ITGB8: variants seen among roughly 807,000 people sequenced by gnomAD.
ITGB8 encodes the protein integrin subunit beta 8, also known as integrin beta-8.
ITGB8 carries 30 observed loss-of-function variants against 89.5 expected under a neutral mutation model. The observed-to-expected ratio is 0.34, with a 90% CI of 0.25 to 0.45. The LOEUF (loss-of-function observed/expected upper bound fraction) is 0.45. Ranked by LOEUF, ITGB8 falls within the 20% of genes least tolerant of loss-of-function variation. The pLI is 1.00. For synonymous variants in ITGB8, 335 were observed against 320.4 expected (o/e 1.05, Z -0.49); for missense variants, 836 against 933.3 (o/e 0.90, Z 1.36).
chr7:20,347,790 A>G (rs1784978816), intron 1 of ITGB8, among the ~76,000 whole-genome samples: 1 of 152,150 alleles, frequency 6.6e-6, no homozygotes, highest in Non-Finnish European at 1.5e-5. Context: ...TGTTCAAGGA[A>G]GTGAGGCTTG....
intron 12 of ITGB8, among the ~76,000 whole-genome samples, 167 bp from the exon 13 acceptor site, chr7:20,409,448 G>C (rs368189127): frequency 6.6e-6 from 1 of 152,188 alleles, no homozygotes; most frequent in African/African-American, 2.4e-5. Context: ...AGAAAAATTA[G>C]AGAGCTTTTT....
chr7:20,386,055 A>T (rs1435560626), intron 6 of ITGB8, among the ~76,000 whole-genome samples: 3 of 152,182 alleles, frequency 2.0e-5, no homozygotes, highest in Non-Finnish European at 4.4e-5. Context: ...TCTCAGATGC[A>T]TACTAATAAA....
At chr7:20,342,702 G>A (rs1261018938) in intron 1 of ITGB8, among the ~76,000 whole-genome samples, 1 of 151,686 alleles carries the variant, frequency 6.6e-6, no homozygotes, top group Admixed American at 6.6e-5. Flanking sequence ...GGAATTATTG[G>A]TGTGCAAAAG....
At position 20,371,411 on chromosome 7, in the gene ITGB8, T is replaced by TA. The variant is rs574747956; in HGVS notation, c.388+4229dup. 1.2e-4 allele frequency among the ~76,000 whole-genome samples: 19 copies of TA among 152,268 alleles called. No individual in the cohort carries two copies. The East Asian group carries it at 2.7e-3, about 22-fold the overall frequency. On this transcript the variant is annotated intron_variant, in intron 3 of 13. Transcript: ENST00000222573. ...AATTTTACTCTGGCAGGTTGTTTTT[T>TA]AAAATATTCAAAAATCAGTGAATTT...
rs1395958493 is a variant in ITGB8 at position 20,381,769 on chromosome 7, G to T, written c.844G>T (p.Val282Leu). 3 of 1,613,630 alleles carry T rather than the reference G, an allele frequency of 1.9e-6. No individual in the cohort carries two copies. The South Asian group carries it at 3.3e-5, about 18-fold the overall frequency. ...WRKEAKRLLL[V>L]MTDQTSHLAL... is the part of the protein sequence containing the mutation. ...AAAAGAGGCTAAAAGATTGCTGCTG[G>T]TGATGACAGATCAGACGTCTCATCT... Residue 282 changes from valine to leucine, a missense_variant, in exon 6 of 14, where the codon GTG (valine) becomes TTG (leucine). Coordinates refer to ENST00000222573, the MANE Select transcript of ITGB8 (RefSeq NM_002214.3).
chr7:20,390,733 T>C (rs762741661), intron 6 of ITGB8, among the ~76,000 whole-genome samples: 3 of 152,066 alleles, frequency 2.0e-5, no homozygotes, highest in Admixed American at 2.0e-4. Context: ...ATAGTTCACA[T>C]ACTATTATTA....
At chr7:20,395,979 T>C (rs1448360041) in intron 8 of ITGB8, among the ~76,000 whole-genome samples, 1 of 152,186 alleles carries the variant, frequency 6.6e-6, no homozygotes, top group Non-Finnish European at 1.5e-5. Context: ...TAGAGTCTCT[T>C]TCCCAAATTC....
Position 20,412,660 on chromosome 7 carries a change from G to A in ITGB8, c.*2663G>A, listed in dbSNP as rs1787804780. 6.6e-6 allele frequency: 1 copy of A among 152,578 alleles called. No homozygotes were observed. Among genetic ancestry groups the A allele is most frequent in the South Asian group, 2.1e-4 (1 of 4,826 alleles). 9.5% of individuals were successfully genotyped at this position (152,578 alleles called of 1,614,324 possible). On this transcript the variant is annotated 3_prime_UTR_variant, in exon 14 of 14. Coordinates refer to ENST00000222573, the MANE Select transcript of ITGB8 (RefSeq NM_002214.3). ...AGTGTTAGACGATGATTGTGGTTATGCTTGCAAAGTCTTGTGCTTATCTTT... is the reference window on the plus strand; with the variant it reads ...AGTGTTAGACGATGATTGTGGTTATACTTGCAAAGTCTTGTGCTTATCTTT...
At chr7:20,347,044 G>A (rs1356560608) in intron 1 of ITGB8, among the ~76,000 whole-genome samples, 3 of 152,168 alleles carry the variant, frequency 2.0e-5, no homozygotes, top group Non-Finnish European at 4.4e-5. Context: ...AGGCCTGTGG[G>A]AACTCGTCTG....
chr7:20,357,488 ATG>A (rs1785337897), intron 1 of ITGB8, among the ~76,000 whole-genome samples: 1 of 152,184 alleles, frequency 6.6e-6, no homozygotes, highest in Admixed American at 6.5e-5. Flanking sequence ...ACACGTATAT[ATG>A]TGTCTATATA....
chr7:20,414,417 G>A lies in ITGB8; in HGVS notation c.*4420G>A, dbSNP rs1473502749. The A allele has an allele frequency of 3.3e-5, 5 of 152,338 alleles. No homozygotes were observed. The highest frequency in any genetic ancestry group is 6.6e-5 in the Admixed American group (1 of 15,250). 9.4% of individuals were successfully genotyped at this position (152,338 alleles called of 1,614,324 possible). On this transcript the variant is annotated 3_prime_UTR_variant, in exon 14 of 14. Transcript: ENST00000222573. The stretch of plus-strand genomic sequence containing the variant: ...AACAAGAATGGGTAGGTATGTCTAC[G>A]TTTCATTAACAAATTTTTATTATTT...
chr7:20,412,298 T>C lies in ITGB8; in HGVS notation c.*2301T>C, dbSNP rs1293697389. 3.3e-5 allele frequency: 5 copies of C among 152,610 alleles called. No homozygotes were observed. Among genetic ancestry groups the C allele is most frequent in the Non-Finnish European group, 7.3e-5 (5 of 68,036 alleles). 9.5% of individuals were successfully genotyped at this position (152,610 alleles called of 1,614,324 possible). A position where few individuals can be genotyped will look rare whatever the true frequency, so the allele number is the denominator to read the frequency against. On this transcript the variant is annotated 3_prime_UTR_variant, in exon 14 of 14. Coordinates refer to ENST00000222573, the MANE Select transcript of ITGB8 (RefSeq NM_002214.3). The stretch of plus-strand genomic sequence containing the variant: ...GTGAGTCACTTGTATAAGAAACCTT[T>C]GATCACTAAAAATAATGTAAAAATT...
At chr7:20,374,654 TGAA>T (rs1276938339) in intron 3 of ITGB8, among the ~76,000 whole-genome samples, 1 of 151,984 alleles carries the variant, frequency 6.6e-6, no homozygotes, top group Non-Finnish European at 1.5e-5. Context: ...GGTAATTACA[TGAA>T]GAAGAAGAGG....
chr7:20,359,182 T>TC (rs1279512997), intron 1 of ITGB8, among the ~76,000 whole-genome samples: 2 of 152,194 alleles, frequency 1.3e-5, no homozygotes, highest in Non-Finnish European at 2.9e-5. Context: ...ATTTTTTTTT[T>TC]AATAACATGG....
At chr7:20,353,395 A>C (rs1332136894) in intron 1 of ITGB8, 1 of 152,174 alleles carries the variant, frequency 6.6e-6, no homozygotes, top group Non-Finnish European at 1.5e-5. Flanking sequence ...CTGTTTCCTA[A>C]CTGGCATTAC....
intron 1 of ITGB8, among the ~76,000 whole-genome samples, chr7:20,356,366 T>C (rs1583484343): frequency 6.6e-6 from 1 of 152,184 alleles, no homozygotes; most frequent in South Asian, 2.1e-4. Context: ...AATCAAGTAA[T>C]GTATTTTAAG....
chr7:20,360,837 T>C (rs1002314370), intron 1 of ITGB8, among the ~76,000 whole-genome samples: 4 of 150,144 alleles, frequency 2.7e-5, no homozygotes, highest in African/African-American at 9.8e-5. Context: ...TTTGATATGA[T>C]GACTTCTTTT....
At chr7:20,372,830 C>T (rs1785988681) in intron 3 of ITGB8, among the ~76,000 whole-genome samples, 1 of 152,046 alleles carries the variant, frequency 6.6e-6, no homozygotes, top group Non-Finnish European at 1.5e-5. Context: ...TAGTTTATAA[C>T]CCCCATATAT....
chr7:20,339,973 A>G (rs1277297150), intron 1 of ITGB8, among the ~76,000 whole-genome samples: 2 of 152,238 alleles, frequency 1.3e-5, no homozygotes. Context: ...GGTTGCAGTG[A>G]GCCGAGATTG....
Sources: allele counts gnomAD v4.1 joint callset (sites outside exome capture counted in the v4.1 genomes callset), GRCh38; gene constraint gnomAD v4.1.1; transcripts MANE v1.5; gene names NCBI Gene and HGNC (gene_info 2026-07-23, HGNC 2026-07-21).